The following SPEF2 variants were observed in gnomAD, a reference collection of about 807,000 sequenced individuals.
SPEF2 encodes the protein sperm flagella and cilia-associated protein 2.
SPEF2 carries 187 observed loss-of-function variants against 224.6 expected under a neutral mutation model. The observed-to-expected ratio is 0.83, with a 90% confidence interval of 0.74 to 0.94. The LOEUF is 0.94. SPEF2 is among the 40% of genes least tolerant of loss of function. The pLI, the probability that SPEF2 is intolerant of heterozygous loss-of-function variation, is 0.00. For synonymous variants in SPEF2, 715 were observed against 707.3 expected, an observed-to-expected ratio of 1.01 and a Z score of -0.17; for missense variants, 2,170 against 2,135.6, an observed-to-expected ratio of 1.02 and a Z score of -0.32.
At chr5:35,805,186 A>G (rs1252828291) in intron 34 of SPEF2, among the ~76,000 whole-genome samples, 1 of 152,158 alleles carries the variant, frequency 6.6e-6, no homozygotes, top group African/African-American at 2.4e-5. Flanking sequence ...CTGTTAGAGC[A>G]TTCCCTCTGT....
chr5:35,779,720 G>C (rs1327591351), intron 30 of SPEF2, among the ~76,000 whole-genome samples: 10 of 152,178 alleles, frequency 6.6e-5, no homozygotes, highest in Admixed American at 6.5e-4. Context: ...GTTTCTGTGA[G>C]GGGAGACCAG....
chr5:35,734,946 A>G (rs1746324053), intron 21 of SPEF2, among the ~76,000 whole-genome samples: 1 of 151,936 alleles, frequency 6.6e-6, no homozygotes, highest in African/African-American at 2.4e-5. Flanking sequence ...TCCTGACCTC[A>G]AGATCCACCC....
rs139583532 is a variant in SPEF2, at chr5:35,792,315, C to T, written c.4448-25C>T. On this transcript the variant is annotated intron_variant, in intron 30 of 36. Coordinates refer to ENST00000356031, the MANE Select transcript of SPEF2 (RefSeq NM_024867.4). ...AAAAACCATCACCTAAACCAAGTGA[C>T]AAAATATTTTTCATTGTATTATAGG... 951 of 1,579,976 alleles carry T rather than the reference C, an allele frequency of 6.0e-4. 7 individuals carry two copies. In the African/African-American group the frequency reaches 0.011, roughly 19 times the overall value.
At chr5:35,649,538 A>G in intron 6 of SPEF2, 113 bp downstream of exon 6, 1 of 746,936 alleles carries the variant, frequency 1.3e-6, no homozygotes, top group Non-Finnish European at 2.1e-6. Context: ...TTTTCACTCC[A>G]AAGAATCTTG....
At chr5:35,748,694 A>G (rs1472172364) in intron 23 of SPEF2, among the ~76,000 whole-genome samples, 1 of 152,166 alleles carries the variant, frequency 6.6e-6, no homozygotes, top group African/African-American at 2.4e-5. Flanking sequence ...AATTACCAAC[A>G]CAAAAAAGTC....
At chr5:35,695,909 C>G in intron 14 of SPEF2, 113 bp downstream of exon 14, 1 of 701,842 alleles carries the variant, frequency 1.4e-6, no homozygotes, top group Non-Finnish European at 2.3e-6. Flanking sequence ...TCTTTGGTTT[C>G]AAAGTTAATT....
intron 20 of SPEF2, among the ~76,000 whole-genome samples, chr5:35,722,459 T>A (rs1405932127): frequency 2.6e-5 from 4 of 151,184 alleles, no homozygotes; most frequent in African/African-American, 9.8e-5. Context: ...TGAGAGGTTT[T>A]TTTTTGTTTT....
chr5:35,729,169 T>G (rs1745193759), intron 21 of SPEF2, among the ~76,000 whole-genome samples: 2 of 152,120 alleles, frequency 1.3e-5, no homozygotes, highest in South Asian at 4.1e-4. Context: ...ACATGATAAT[T>G]TGAGGAGAGT....
intron 21 of SPEF2, among the ~76,000 whole-genome samples, chr5:35,734,381 C>T (rs1439136260): frequency 1.5e-5 from 2 of 129,260 alleles, no homozygotes; most frequent in Non-Finnish European, 1.7e-5. Flanking sequence ...TTGGCTTCCC[C>T]GGGCCACAAG....
intron 28 of SPEF2, 53 bp from the exon 29 acceptor site, chr5:35,776,204 T>C: frequency 2.6e-6 from 4 of 1,547,212 alleles, no homozygotes; most frequent in Non-Finnish European, 1.7e-6. Flanking sequence ...TGTTCATTAG[T>C]AAATGCATGC....
At chr5:35,788,265 A>G (rs976171205) in intron 30 of SPEF2, 2 of 703,022 alleles carry the variant, frequency 2.8e-6, no homozygotes, top group Non-Finnish European at 5.2e-6. Context: ...AGATCATGCC[A>G]TGCTATTGCC....
At chr5:35,659,927 A>G (rs972358829) in intron 8 of SPEF2, among the ~76,000 whole-genome samples, 50 of 151,556 alleles carry the variant, frequency 3.3e-4, no homozygotes, top group African/African-American at 1.2e-3. Context: ...CCTCAGGCCC[A>G]TATTATGCTA....
chr5:35,773,581 G>T (rs1014385813), intron 27 of SPEF2, among the ~76,000 whole-genome samples: 2 of 152,162 alleles, frequency 1.3e-5, no homozygotes, highest in African/African-American at 4.8e-5. Context: ...GCTAATTTCT[G>T]TCCCTAAACT....
At chr5:35,654,859 C>T in intron 7 of SPEF2, 133 bp downstream of exon 7, 1 of 684,692 alleles carries the variant, frequency 1.5e-6, no homozygotes, top group South Asian at 3.9e-5. Flanking sequence ...ACATCCTCAT[C>T]ATAATAGCAA....
chr5:35,718,705 T>C (rs1418817950), intron 20 of SPEF2, among the ~76,000 whole-genome samples: 1 of 152,206 alleles, frequency 6.6e-6, no homozygotes, highest in East Asian at 1.9e-4. Context: ...ATTTATGTCA[T>C]GGACACTAAC....
chr5:35,625,688 G>T (rs1334666639), intron 1 of SPEF2, among the ~76,000 whole-genome samples: 1 of 152,182 alleles, frequency 6.6e-6, no homozygotes, highest in Admixed American at 6.5e-5. Context: ...AATAGGGATA[G>T]GCTAGGGAGG....
Position 35,635,480 on chromosome 5 carries a change from T to C in SPEF2, c.162-5951T>C, listed in dbSNP as rs376159922. Reference sequence around the variant, plus strand: ...ATTGTTTTTGCATTGCTCTAGTATATTGACTTTGGAAACAAAAGACATCAT... The same window carrying C: ...ATTGTTTTTGCATTGCTCTAGTATACTGACTTTGGAAACAAAAGACATCAT... On this transcript the variant is annotated intron_variant, in intron 2 of 36. Coordinates refer to ENST00000356031, the MANE Select transcript of SPEF2 (RefSeq NM_024867.4). Among the ~76,000 whole-genome samples, 16 of 152,320 alleles carry C rather than the reference T, an allele frequency of 1.1e-4. 1 individual carries two copies. In the South Asian group the frequency reaches 3.3e-3, roughly 32 times the overall value.
chr5:35,639,110 G>C (rs1746241227), intron 2 of SPEF2, among the ~76,000 whole-genome samples: 1 of 152,174 alleles, frequency 6.6e-6, no homozygotes, highest in African/African-American at 2.4e-5. Flanking sequence ...TCTCATGCCA[G>C]GGACAAGGCT....
intron 21 of SPEF2, among the ~76,000 whole-genome samples, chr5:35,734,202 T>C (rs1746139281): frequency 6.6e-6 from 1 of 152,140 alleles, no homozygotes; most frequent in South Asian, 2.1e-4. Context: ...CTTACCCACT[T>C]CTCAGATGTC....
Sources: gnomAD v4.1 joint callset for allele counts (sites outside exome capture counted in the v4.1 genomes callset) on GRCh38, gnomAD v4.1.1 for gene constraint, MANE v1.5 for transcripts, NCBI Gene and HGNC (gene_info 2026-07-23, HGNC 2026-07-21) for gene names.